The following ABHD12 variants were observed in gnomAD, a reference collection of about 807,000 sequenced individuals.
ABHD12 encodes lysophosphatidylserine lipase ABHD12.
In ABHD12, 43 loss-of-function variants were observed where a neutral mutation model predicts 58.3. That is an observed-to-expected ratio of 0.74 (90% CI 0.58 to 0.95). The LOEUF is 0.95. Ranked by LOEUF, ABHD12 falls within the 40% of genes least tolerant of loss-of-function variation. The pLI is 0.00. For synonymous variants in ABHD12, 219 were observed against 211.2 expected (o/e 1.04, Z -0.32); for missense variants, 539 against 537.2 (o/e 1.00, Z -0.03).
chr20:25,368,678 T>C (rs1252057638), intron 1 of ABHD12: 1 of 1,368,484 alleles, frequency 7.3e-7, no homozygotes, highest in African/African-American at 1.4e-5. Context: ...TCTGCTGTCT[T>C]TGGAATCTTG....
chr20:25,390,404 G>A (rs2090154932), intron 1 of ABHD12, 109 bp downstream of exon 1: 4 of 1,115,328 alleles, frequency 3.6e-6, no homozygotes, highest in Admixed American at 4.4e-5. Context: ...GGATCGGGCG[G>A]ACGGCCACTC....
chr20:25,300,430 GT>G lies in ABHD12; in HGVS notation c.*414del, dbSNP rs886056561. ...GAGTCATTCTGCATGTGCTGGGAAG[GT>G]GCAGAAAGAACCTGGACCCCACGTT... On this transcript the variant is annotated 3_prime_UTR_variant, in exon 13 of 13. Coordinates refer to ENST00000339157, the MANE Select transcript of ABHD12 (RefSeq NM_001042472.3). 5.1e-6 allele frequency: 6 copies of G among 1,168,856 alleles called. 1 individual carries two copies. The South Asian group carries it at 1.1e-4, about 22-fold the overall frequency. 72.4% of individuals were successfully genotyped at this position (1,168,856 alleles called of 1,614,324 possible). A position where few individuals can be genotyped will look rare whatever the true frequency, so the allele number is the denominator to read the frequency against.
At chr20:25,388,152 A>C (rs75601556) in intron 1 of ABHD12, among the ~76,000 whole-genome samples, 1 of 4,306 alleles carries the variant, frequency 2.3e-4, no homozygotes, top group South Asian at 0.014. Flanking sequence ...GGACACATGA[A>C]GAAGGCTCAT....
intron 1 of ABHD12, among the ~76,000 whole-genome samples, chr20:25,385,496 T>C (rs779473180): frequency 4.6e-5 from 7 of 152,062 alleles, no homozygotes; most frequent in African/African-American, 1.4e-4. Context: ...AACCAGGACA[T>C]AGCAAATTCT....
chr20:25,368,787 C>T (rs529562284), intron 1 of ABHD12: 1 of 761,794 alleles, frequency 1.3e-6, no homozygotes, highest in South Asian at 1.4e-5. Context: ...ACAGGGCTCC[C>T]AGCGGCGGTG....
intron 1 of ABHD12, among the ~76,000 whole-genome samples, chr20:25,345,777 G>C (rs1369758803): frequency 6.6e-6 from 1 of 152,058 alleles, no homozygotes; most frequent in African/African-American, 2.4e-5. Flanking sequence ...GCAAAACACT[G>C]ATAACACTAA....
chr20:25,316,859 C>CG (rs1274647280), intron 5 of ABHD12, among the ~76,000 whole-genome samples, 189 bp downstream of exon 5: 1 of 152,150 alleles, frequency 6.6e-6, no homozygotes, highest in African/African-American at 2.4e-5. Flanking sequence ...CCCAGGAGGT[C>CG]GACGCTGCAG....
chr20:25,327,105 AAG>A (rs1051978090), intron 2 of ABHD12, among the ~76,000 whole-genome samples: 23 of 152,238 alleles, frequency 1.5e-4, no homozygotes, highest in African/African-American at 4.6e-4. Context: ...GGCCAGCAGG[AAG>A]AAGTTAGAGC....
At chr20:25,365,101 T>C (rs1455859842) in intron 1 of ABHD12, among the ~76,000 whole-genome samples, 1 of 152,254 alleles carries the variant, frequency 6.6e-6, no homozygotes. Context: ...CCAAGTGTTA[T>C]CCTAACTAAT....
chr20:25,332,507 T>C (rs2089294898), intron 2 of ABHD12, among the ~76,000 whole-genome samples: 1 of 151,572 alleles, frequency 6.6e-6, no homozygotes, highest in African/African-American at 2.4e-5. Flanking sequence ...ATATACATTT[T>C]TTTCAGCACC....
chr20:25,361,010 C>T (rs2089739309), intron 1 of ABHD12, among the ~76,000 whole-genome samples: 1 of 152,242 alleles, frequency 6.6e-6, no homozygotes, highest in South Asian at 2.1e-4. Flanking sequence ...GGAGAACCCC[C>T]AGCCATCTTC....
chr20:25,387,780 C>T (rs2090112497), intron 1 of ABHD12, among the ~76,000 whole-genome samples: 1 of 151,286 alleles, frequency 6.6e-6, no homozygotes, highest in South Asian at 2.1e-4. Context: ...CTGTGGCTCA[C>T]GCCTGTAATC....
downstream of ABHD12, chr20:25,296,922 G>A (rs982415926): frequency 1.1e-5 from 2 of 177,238 alleles, no homozygotes; most frequent in Non-Finnish European, 2.4e-5. Context: ...CCATAGTGAA[G>A]CCTGGGAATG....
chr20:25,303,507 G>C, intron 11 of ABHD12, 43 bp downstream of exon 11: 1 of 1,608,392 alleles, frequency 6.2e-7, no homozygotes, highest in Non-Finnish European at 8.5e-7. Flanking sequence ...CTGGCTGAGT[G>C]TGCAAGATGC....
chr20:25,320,414 G>C (rs2089045016), intron 3 of ABHD12, 96 bp from the exon 4 acceptor site: 1 of 1,555,382 alleles, frequency 6.4e-7, no homozygotes, highest in African/African-American at 1.3e-5. Flanking sequence ...CTCAAGTCCA[G>C]ACAGCAGGGA....
intron 1 of ABHD12, 36 bp downstream of exon 1, chr20:25,390,477 G>GCGCCCCCCC: frequency 1.0e-5 from 1 of 98,530 alleles, no homozygotes; most frequent in Non-Finnish European, 1.3e-5. Context: ...TGAGGGACCG[G>GCGCCCCCCC]CCCCCCCCCC....
downstream of ABHD12, chr20:25,300,161 T>G: frequency 3.0e-6 from 3 of 986,136 alleles, no homozygotes; most frequent in African/African-American, 1.7e-5. Flanking sequence ...TGGGCGGCTC[T>G]GGGGCATGGA....
intron 11 of ABHD12, among the ~76,000 whole-genome samples, chr20:25,302,763 T>G (rs975035818): frequency 1.3e-5 from 2 of 152,122 alleles, no homozygotes; most frequent in Middle Eastern, 3.2e-3. Context: ...CAAGGGTAGG[T>G]GGGCCTGAGC....
intron 1 of ABHD12, among the ~76,000 whole-genome samples, chr20:25,360,673 A>G (rs1172550490): frequency 6.6e-6 from 1 of 152,220 alleles, no homozygotes; most frequent in Non-Finnish European, 1.5e-5. Context: ...GAGAGACACC[A>G]ATACCACATT....
Sources: allele counts gnomAD v4.1 joint callset (sites outside exome capture counted in the v4.1 genomes callset), GRCh38; gene constraint gnomAD v4.1.1; transcripts MANE v1.5; gene names NCBI Gene and HGNC (gene_info 2026-07-23, HGNC 2026-07-21).